The following HACD2 variants were observed in gnomAD, a reference collection of about 807,000 sequenced individuals.
The protein encoded by HACD2 is very-long-chain (3R)-3-hydroxyacyl-CoA dehydratase 2.
Under a neutral mutation model 31.0 loss-of-function variants are expected in HACD2, and 15 were observed. The ratio of observed to expected loss-of-function variants is 0.48; its 90% CI spans 0.32 to 0.75. The LOEUF (loss-of-function observed/expected upper bound fraction) is 0.75, where lower values mean the gene tolerates loss of function less well. HACD2 is among the 30% of genes least tolerant of loss of function. The probability of loss-of-function intolerance (pLI) is 0.03; values close to 1 mark genes in which losing one functional copy is unlikely to be tolerated. For synonymous variants in HACD2, 115 were observed against 122.2 expected, an observed-to-expected ratio of 0.94 and a Z score of 0.39; for missense variants, 283 against 313.0, an observed-to-expected ratio of 0.90 and a Z score of 0.72.
At chr3:123,579,723 C>T (rs2056945608) in intron 2 of HACD2, among the ~76,000 whole-genome samples, 1 of 152,136 alleles carries the variant, frequency 6.6e-6, no homozygotes, top group Admixed American at 6.5e-5. Context: ...GGTCTTGACT[C>T]CAAATTTGCT....
intron 2 of HACD2, among the ~76,000 whole-genome samples, chr3:123,571,305 C>G (rs2056853704): frequency 1.3e-5 from 2 of 152,220 alleles, no homozygotes; most frequent in Admixed American, 1.3e-4. Flanking sequence ...AAACACTAAT[C>G]TAGGTACTGC....
intron 4 of HACD2, among the ~76,000 whole-genome samples, chr3:123,521,491 C>T (rs1362099391): frequency 6.6e-6 from 1 of 151,978 alleles, no homozygotes; most frequent in Non-Finnish European, 1.5e-5. Context: ...ATGAGATTTC[C>T]CCAAATTAAG....
chr3:123,512,753 G>GA (rs1559903913), intron 4 of HACD2, among the ~76,000 whole-genome samples: 1 of 152,186 alleles, frequency 6.6e-6, no homozygotes, highest in African/African-American at 2.4e-5. Flanking sequence ...ACTGTGGTTG[G>GA]AGGGATCAGT....
rs1213888149 is a variant in HACD2 at position 123,493,586 on chromosome 3, A to G, written c.*1302T>C. 1 of 152,152 alleles carries G rather than the reference A, an allele frequency of 6.6e-6. No homozygotes were observed. Among genetic ancestry groups the G allele is most frequent in the Admixed American group, 6.5e-5 (1 of 15,276 alleles). The allele number at this position is 152,152 out of a possible 1,614,324, so 9.4% of individuals were successfully genotyped here. Reference sequence around the variant, plus strand: ...TGCACATCTAAACTTGGGCTTTCACATTTTCATCCAACTCTTTCTTTCTTA... The same window carrying G: ...TGCACATCTAAACTTGGGCTTTCACGTTTTCATCCAACTCTTTCTTTCTTA... On this transcript the variant is annotated 3_prime_UTR_variant, in exon 7 of 7. Transcript: ENST00000383657.
At chr3:123,524,442 A>G (rs778595474) in intron 4 of HACD2, among the ~76,000 whole-genome samples, 7 of 152,176 alleles carry the variant, frequency 4.6e-5, no homozygotes, top group Non-Finnish European at 7.4e-5. Context: ...AGCAGTAAAA[A>G]AACAGAGAAG....
rs1044868434 is a variant in HACD2 at position 123,582,280 on chromosome 3, T to C, written c.205A>G (p.Ser69Gly). Residue 69 changes from serine (S) to glycine (G), a missense_variant, in exon 2 of 7, where the codon AGC (serine) becomes GGC (glycine). Ser to Gly is a moderately conservative substitution (Grantham distance 56). Transcript: ENST00000383657. ...ATTGAATAATAAAGGCTATGGTAGC[T>C]ACCCTTAGCCAGGTATGCTCGGACC... ...GLVRAYLAKG[S>G]YHSLYYSIEK... 6.2e-7 allele frequency: 1 copy of C among 1,609,880 alleles called. No individual in the cohort carries two copies. The highest frequency in any genetic ancestry group is 1.3e-5 in the African/African-American group (1 of 74,672).
At chr3:123,532,073 C>T (rs552099002) in intron 3 of HACD2, among the ~76,000 whole-genome samples, 1 of 152,294 alleles carries the variant, frequency 6.6e-6, no homozygotes, top group Admixed American at 6.5e-5. Context: ...CCAATTTATA[C>T]TCCCACCAGC....
At chr3:123,524,389 T>G (rs1254509028) in intron 4 of HACD2, among the ~76,000 whole-genome samples, 11 of 152,104 alleles carry the variant, frequency 7.2e-5, no homozygotes, top group Admixed American at 6.5e-4. Context: ...TTAGAACTTT[T>G]AAGGAGAGAG....
intron 6 of HACD2, among the ~76,000 whole-genome samples, chr3:123,495,616 C>T (rs1265569602): frequency 6.7e-6 from 1 of 148,906 alleles, no homozygotes; most frequent in African/African-American, 2.5e-5. Flanking sequence ...AAAAAAAGGC[C>T]TTATGAAAAG....
intron 2 of HACD2, 122 bp downstream of exon 2, chr3:123,582,090 G>A (rs2056971929): frequency 1.9e-6 from 1 of 519,916 alleles, no homozygotes; most frequent in African/African-American, 2.0e-5. Context: ...TAGTATGTGA[G>A]GAGGCAAAAT....
intron 1 of HACD2, among the ~76,000 whole-genome samples, chr3:123,583,141 G>A (rs2056983976): frequency 6.6e-6 from 1 of 152,082 alleles, no homozygotes. Context: ...AGGACATCAA[G>A]TAAGAGTTTG....
rs564001664 is a variant in HACD2, at chr3:123,500,381, A to G, written c.682+134T>C. On this transcript the variant is annotated intron_variant, in intron 6 of 6. Coordinates refer to ENST00000383657, the MANE Select transcript of HACD2 (RefSeq NM_198402.5). ...AAATTCCTTTTGATAGTCAGCATTC[A>G]ATAAAAACCAAGAATTCCCAATAAA... 5.2e-5 allele frequency: 34 copies of G among 660,030 alleles called. 1 individual carries two copies. In the South Asian group the frequency reaches 7.5e-4, roughly 15 times the overall value. 40.9% of individuals were successfully genotyped at this position (660,030 alleles called of 1,614,324 possible).
At chr3:123,567,840 A>G in intron 2 of HACD2, 60 bp from the exon 3 acceptor site, 1 of 1,133,318 alleles carries the variant, frequency 8.8e-7, no homozygotes, top group Non-Finnish European at 1.2e-6. Context: ...TTAAAGTTTT[A>G]TTTCATATAA....
chr3:123,560,488 G>C (rs1483710569), intron 3 of HACD2, among the ~76,000 whole-genome samples: 1 of 152,164 alleles, frequency 6.6e-6, no homozygotes, highest in Non-Finnish European at 1.5e-5. Flanking sequence ...CTAAGCAGGG[G>C]AGACAGGCTA....
chr3:123,502,267 T>C (rs543988357), intron 5 of HACD2, among the ~76,000 whole-genome samples: 1 of 152,298 alleles, frequency 6.6e-6, no homozygotes, highest in South Asian at 2.1e-4. Flanking sequence ...CAAATCTCTA[T>C]TGATTGCTAC....
At chr3:123,516,491 C>T (rs897837666) in intron 4 of HACD2, among the ~76,000 whole-genome samples, 3 of 152,110 alleles carry the variant, frequency 2.0e-5, no homozygotes, top group African/African-American at 7.2e-5. Context: ...ACCTCGGCCT[C>T]CCAAAGTGCT....
chr3:123,582,283 C>A lies in HACD2; in HGVS notation c.202G>T (p.Gly68Cys). The A allele has an allele frequency of 6.2e-7, 1 of 1,608,760 alleles. No individual in the cohort carries two copies. Residue 68 changes from glycine (G) to cysteine (C), a missense_variant, in exon 2 of 7, where the codon GGT becomes TGT. Physicochemically the swap from Gly to Cys is radical, Grantham distance 159 (BLOSUM62 -3). Around this residue, in one of 3 missense-constraint regions of HACD2, gnomAD observed 158 missense variants for 148.3 expected, o/e 1.07. Transcript: ENST00000383657. ...GAATAATAAAGGCTATGGTAGCTACCCTTAGCCAGGTATGCTCGGACCAGA... is the reference window on the plus strand; with the variant it reads ...GAATAATAAAGGCTATGGTAGCTACACTTAGCCAGGTATGCTCGGACCAGA... ...VGLVRAYLAK[G>C]SYHSLYYSIE... is the part of the protein sequence containing the mutation.
chr3:123,515,918 G>A (rs1223701379), intron 4 of HACD2, among the ~76,000 whole-genome samples: 4 of 151,910 alleles, frequency 2.6e-5, no homozygotes, highest in Admixed American at 6.6e-5. Flanking sequence ...CACCATGCCC[G>A]GCTAAATTTT....
intron 2 of HACD2, among the ~76,000 whole-genome samples, chr3:123,578,129 G>A (rs968504215): frequency 6.6e-6 from 1 of 152,130 alleles, no homozygotes; most frequent in Non-Finnish European, 1.5e-5. Flanking sequence ...CATACTATTT[G>A]TGACTTTTTG....
Sources: allele counts gnomAD v4.1 joint callset (sites outside exome capture counted in the v4.1 genomes callset), GRCh38; gene constraint gnomAD v4.1.1; regional missense constraint gnomAD v4.1.1; transcripts MANE v1.5; gene names NCBI Gene and HGNC (gene_info 2026-07-23, HGNC 2026-07-21).